MFSD6: variants seen among roughly 807,000 people sequenced by gnomAD.
MFSD6 encodes major facilitator superfamily domain containing 6.
In MFSD6, 26 loss-of-function variants were observed where a neutral mutation model predicts 56.3. That is an observed-to-expected ratio of 0.46 (90% CI 0.34 to 0.64). The LOEUF (loss-of-function observed/expected upper bound fraction) is 0.64. Among genes scored for constraint, MFSD6 ranks in the 30% least tolerant of loss-of-function variants. The pLI is 0.01. For synonymous variants in MFSD6, 331 were observed against 366.9 expected (o/e 0.90, Z 1.12); for missense variants, 750 against 986.2 (o/e 0.76, Z 3.21).
chr2:190,454,959 T>TGTATAC lies in MFSD6; in HGVS notation c.1533-14794_1533-14793insCGTATA, dbSNP rs1686941455. 9.2e-6 allele frequency among the ~76,000 whole-genome samples: 1 copy of TGTATAC among 108,304 alleles called. No individual in the cohort carries two copies. Among genetic ancestry groups the TGTATAC allele is most frequent in the African/African-American group, 3.0e-5 (1 of 33,488 alleles). The allele number at this position is 108,304 out of a possible 152,430, so 71.1% of individuals were successfully genotyped here. A position where few individuals can be genotyped will look rare whatever the true frequency, so the allele number is the denominator to read the frequency against. On this transcript the variant is annotated intron_variant, in intron 3 of 7. Transcript: ENST00000392328. The surrounding 1 kb of genome is among the most constrained non-coding windows in gnomAD (Gnocchi z 4.6). Reference sequence around the variant, plus strand: ...ATGTATATGTATATGTATATGTATATGTATATGTATATGTATATGTATATG... The same window carrying TGTATAC: ...ATGTATATGTATATGTATATGTATATGTATACGTATATGTATATGTATATGTATATG...
Position 190,438,371 on chromosome 2 carries a change from C to G in MFSD6, c.1532+810C>G, listed in dbSNP as rs944384759. Among the ~76,000 whole-genome samples, 2 of 152,118 alleles carry G rather than the reference C, an allele frequency of 1.3e-5. No homozygotes were observed. Among genetic ancestry groups the G allele is most frequent in the Non-Finnish European group, 2.9e-5 (2 of 68,024 alleles). On this transcript the variant is annotated intron_variant, in intron 3 of 7. Transcript: ENST00000392328. This position sits in a 1 kb window ranked among gnomAD's most constrained non-coding sequence, Gnocchi z 5.2. ...TCTCTACTAAAAATACAAAAGTTAG[C>G]CGGGCATGGTGGCACGCACCCGTAG...
Position 190,436,702 on chromosome 2 carries a change from ACT to A in MFSD6, c.676_677del (p.Leu226AlafsTer6). 1 of 1,614,144 alleles carries A rather than the reference ACT, an allele frequency of 6.2e-7. No homozygotes were observed. The highest frequency in any genetic ancestry group is 8.5e-7 in the Non-Finnish European group (1 of 1,180,026). The part of the protein sequence containing the change: ...PTAPNMNSEP[T>X]LQPQTGEITN... ...AGCTCCAAACATGAACAGTGAACCC[ACT>A]CTGCAGCCCCAGACAGGTGAAATTA... On this transcript the variant is annotated frameshift_variant, in exon 3 of 8. Transcript: ENST00000392328. LOFTEE classifies it high-confidence loss of function. This position sits in a 1 kb window ranked among gnomAD's most constrained non-coding sequence, Gnocchi z 5.3.
At chr2:190,449,671 A>C (rs1299120519) in intron 3 of MFSD6, among the ~76,000 whole-genome samples, 1 of 152,224 alleles carries the variant, frequency 6.6e-6, no homozygotes, top group African/African-American at 2.4e-5. Context: ...TAACCATGAA[A>C]TACTATGCAG....
In MFSD6 at chr2:190,457,998, A is replaced by G. The variant is rs1474834551; in HGVS notation, c.1533-11760A>G. On this transcript the variant is annotated intron_variant, in intron 3 of 7. Coordinates refer to ENST00000392328, the MANE Select transcript of MFSD6 (RefSeq NM_017694.4). This position sits in a 1 kb window ranked among gnomAD's most constrained non-coding sequence, Gnocchi z 5.1. The stretch of plus-strand genomic sequence containing the variant: ...GTCAGATTAGGTTGTACAAAATGCG[A>G]AGAGTCCTCCTCTAAGGATACAGCC... 1.3e-5 allele frequency among the ~76,000 whole-genome samples: 2 copies of G among 152,248 alleles called. No homozygotes were observed. The highest frequency in any genetic ancestry group is 2.9e-5 in the Non-Finnish European group (2 of 68,050).
Position 190,438,783 on chromosome 2 carries a change from A to G in MFSD6, c.1532+1222A>G, listed in dbSNP as rs1049003445. Reference sequence around the variant, plus strand: ...AGAAATTAAAGAGGAGAAATAGACAATGACAAGATTTGACAATCCTTTATT... The same window carrying G: ...AGAAATTAAAGAGGAGAAATAGACAGTGACAAGATTTGACAATCCTTTATT... On this transcript the variant is annotated intron_variant, in intron 3 of 7. Coordinates refer to ENST00000392328, the MANE Select transcript of MFSD6 (RefSeq NM_017694.4). The surrounding 1 kb of genome is among the most constrained non-coding windows in gnomAD (Gnocchi z 5.2). 2.6e-5 allele frequency among the ~76,000 whole-genome samples: 4 copies of G among 152,268 alleles called. No homozygotes were observed. The highest frequency in any genetic ancestry group is 9.6e-5 in the African/African-American group (4 of 41,472).
chr2:190,436,475 T>C lies in MFSD6; in HGVS notation c.446T>C (p.Ile149Thr), dbSNP rs1474368431. 4 of 1,614,226 alleles carry C rather than the reference T, an allele frequency of 2.5e-6. No homozygotes were observed. Among genetic ancestry groups the C allele is most frequent in the Non-Finnish European group, 3.4e-6 (4 of 1,180,044 alleles). The change falls in exon 3 of 8, where the codon ATT (isoleucine) becomes ACT (threonine). Residue 149 changes from isoleucine (I) to threonine (T), a missense_variant. Ile to Thr is a moderately conservative substitution (Grantham distance 89). Coordinates refer to ENST00000392328, the MANE Select transcript of MFSD6 (RefSeq NM_017694.4). This position sits in a 1 kb window ranked among gnomAD's most constrained non-coding sequence, Gnocchi z 5.3. ...TGTTGGGTTTTATTCAACCTGGGCA[T>C]TGGATTTGTCAAACCTGCTACCTTG... The part of the protein sequence containing the change: ...LLCWVLFNLG[I>T]GFVKPATLRC...
At chr2:190,445,468 A>C (rs1415442769) in intron 3 of MFSD6, among the ~76,000 whole-genome samples, 12 of 146,326 alleles carry the variant, frequency 8.2e-5, no homozygotes, top group Non-Finnish European at 1.7e-4. Flanking sequence ...AAAAAAAAAA[A>C]CCCCGACTAT....
intron 2 of MFSD6, among the ~76,000 whole-genome samples, chr2:190,421,183 C>G (rs898672562): frequency 6.6e-6 from 1 of 152,154 alleles, no homozygotes; most frequent in Non-Finnish European, 1.5e-5. Context: ...ATCACTTGGA[C>G]AATTCAGGAA....
At chr2:190,419,242 C>T (rs546516225) in intron 2 of MFSD6, among the ~76,000 whole-genome samples, 6 of 152,022 alleles carry the variant, frequency 3.9e-5, no homozygotes, top group East Asian at 1.9e-4. Flanking sequence ...TGTTTGAGTG[C>T]GGTGTGTGAA....
intron 4 of MFSD6, among the ~76,000 whole-genome samples, chr2:190,478,197 A>G (rs932606664): frequency 3.3e-5 from 5 of 152,102 alleles, no homozygotes; most frequent in Non-Finnish European, 7.4e-5. Context: ...GTTTCATTTT[A>G]TTCTCCCTTA....
In MFSD6 at chr2:190,500,801, C is replaced by G. The variant is rs369066043; in HGVS notation, c.*583C>G. On this transcript the variant is annotated 3_prime_UTR_variant, in exon 8 of 8. Coordinates refer to ENST00000392328, the MANE Select transcript of MFSD6 (RefSeq NM_017694.4). The surrounding 1 kb of genome is among the most constrained non-coding windows in gnomAD (Gnocchi z 5.3). ...ATGAAGTTAAAAGTTTCATCAGAAACTTTACATATCTTTAGCAAATATATT... is the reference window on the plus strand; with the variant it reads ...ATGAAGTTAAAAGTTTCATCAGAAAGTTTACATATCTTTAGCAAATATATT... The G allele has an allele frequency of 8.5e-5, 13 of 152,774 alleles. 2 individuals are homozygous for G. The highest frequency in any genetic ancestry group is 2.9e-4 in the African/African-American group (12 of 41,520). The allele number at this position is 152,774 out of a possible 1,614,324, so 9.5% of individuals were successfully genotyped here.
Position 190,431,957 on chromosome 2 carries a change from A to G in MFSD6, c.-53-4020A>G, listed in dbSNP as rs887815748. On this transcript the variant is annotated intron_variant, in intron 2 of 7. Transcript: ENST00000392328. This position sits in a 1 kb window ranked among gnomAD's most constrained non-coding sequence, Gnocchi z 4.4. ...GCATAATCTTCTCTTATTTCTGAAG[A>G]TAATCATATATTCAAAAGTATTTTC... 1.3e-5 allele frequency among the ~76,000 whole-genome samples: 2 copies of G among 152,166 alleles called. No individual in the cohort carries two copies. Among genetic ancestry groups the G allele is most frequent in the Non-Finnish European group, 2.9e-5 (2 of 68,016 alleles).
At chr2:190,460,001 A>G (rs1245999841) in intron 3 of MFSD6, among the ~76,000 whole-genome samples, 1 of 152,246 alleles carries the variant, frequency 6.6e-6, no homozygotes, top group African/African-American at 2.4e-5. Flanking sequence ...GGTGGCTCCC[A>G]GGATCTCCTT....
intron 3 of MFSD6, among the ~76,000 whole-genome samples, chr2:190,464,424 C>T (rs892935372): frequency 2.0e-5 from 3 of 152,152 alleles, no homozygotes; most frequent in Admixed American, 2.0e-4. Context: ...TTAGGTCTTT[C>T]TTTGCTGCTC....
intron 4 of MFSD6, among the ~76,000 whole-genome samples, chr2:190,482,181 T>A (rs1390996645): frequency 6.6e-6 from 1 of 152,218 alleles, no homozygotes; most frequent in African/African-American, 2.4e-5. Flanking sequence ...AGATTCTCTG[T>A]AACCTGGATC....
At chr2:190,449,127 C>T (rs960896056) in intron 3 of MFSD6, among the ~76,000 whole-genome samples, 1 of 152,200 alleles carries the variant, frequency 6.6e-6, no homozygotes, top group Admixed American at 6.5e-5. Context: ...ACCATGGCTT[C>T]AGGTCTTATT....
At position 190,456,526 on chromosome 2, in the gene MFSD6, G is replaced by A. The variant is rs556398510; in HGVS notation, c.1533-13232G>A. ...TGAGCCCCACTCCGGGAACTCCCTG[G>A]CTGCTCTAGGAACCTGCAGGGCTGA... On this transcript the variant is annotated intron_variant, in intron 3 of 7. Transcript: ENST00000392328. The surrounding 1 kb of genome is among the most constrained non-coding windows in gnomAD (Gnocchi z 5.4). Among the ~76,000 whole-genome samples the A allele has an allele frequency of 7.1e-4, 108 of 152,168 alleles. No homozygotes were observed. Among genetic ancestry groups the A allele is most frequent in the Non-Finnish European group, 1.3e-3 (91 of 68,020 alleles).
In MFSD6 at chr2:190,500,277, G is replaced by A; in HGVS notation, c.*59G>A. On this transcript the variant is annotated 3_prime_UTR_variant, in exon 8 of 8. Transcript: ENST00000392328. This position sits in a 1 kb window ranked among gnomAD's most constrained non-coding sequence, Gnocchi z 5.3. ...TCAGGCTCCTCAGCCAGGACACAGG[G>A]TGAGGCCCCCCAGCCAGGATATGCC... The A allele has an allele frequency of 1.3e-6, 2 of 1,583,204 alleles. No individual in the cohort carries two copies. Among genetic ancestry groups the A allele is most frequent in the Non-Finnish European group, 1.7e-6 (2 of 1,156,198 alleles).
rs1188882219 is a variant in MFSD6, at chr2:190,500,069, T to C, written c.2227T>C (p.Cys743Arg). 6.2e-7 allele frequency: 1 copy of C among 1,614,194 alleles called. No homozygotes were observed. The highest frequency in any genetic ancestry group is 8.5e-7 in the Non-Finnish European group (1 of 1,180,032). The part of the protein sequence containing the change: ...SPAGRAQPVP[C>R]ETHSDPSRNQ... ...TGCTGGTAGAGCCCAGCCTGTCCCATGTGAGACTCACTCTGACCCATCTAG... is the reference window on the plus strand; with the variant it reads ...TGCTGGTAGAGCCCAGCCTGTCCCACGTGAGACTCACTCTGACCCATCTAG... Residue 743 changes from cysteine to arginine, a missense_variant, in exon 8 of 8, where the codon TGT becomes CGT. This residue lies in a region of MFSD6 where 172 missense variants were observed against 203.9 expected (regional missense o/e 0.84). Coordinates refer to ENST00000392328, the MANE Select transcript of MFSD6 (RefSeq NM_017694.4). The surrounding 1 kb of genome is among the most constrained non-coding windows in gnomAD (Gnocchi z 5.3).
Sources: gnomAD v4.1 joint callset for allele counts (sites outside exome capture counted in the v4.1 genomes callset) on GRCh38, gnomAD v4.1.1 for gene constraint, gnomAD v4.1.1 regional missense constraint, Gnocchi (gnomAD v3.1) non-coding constraint, MANE v1.5 for transcripts, NCBI Gene and HGNC (gene_info 2026-07-23, HGNC 2026-07-21) for gene names.